The following DNAAF9 variants were observed in gnomAD, a reference collection of about 807,000 sequenced individuals.
The protein encoded by DNAAF9 is dynein axonemal assembly factor 9.
A neutral mutation model predicts 167.0 loss-of-function variants in DNAAF9; 90 were observed. The ratio of observed to expected loss-of-function variants is 0.54; its 90% CI spans 0.45 to 0.64. The LOEUF (loss-of-function observed/expected upper bound fraction) is 0.64, where lower values mean the gene tolerates loss of function less well. DNAAF9 is among the 30% of genes least tolerant of loss of function. DNAAF9 has a pLI of 0.00. For synonymous variants in DNAAF9, 491 were observed against 508.8 expected (o/e 0.96, Z 0.47); for missense variants, 1,315 against 1,442.2 (o/e 0.91, Z 1.43).
intron 7 of DNAAF9, among the ~76,000 whole-genome samples, chr20:3,352,358 C>T (rs1386418577): frequency 6.6e-6 from 1 of 152,120 alleles, no homozygotes; most frequent in East Asian, 1.9e-4. Context: ...GTATCCTGGG[C>T]CCAGGGCAAT....
intron 8 of DNAAF9, 109 bp from the exon 9 acceptor site, chr20:3,343,840 C>CGT (rs10582105): frequency 0.058 from 37,439 of 648,368 alleles, 516 homozygotes; most frequent in Non-Finnish European, 0.067. Context: ...GAGTGCACAG[C>CGT]GTGTGTGTGT....
At chr20:3,266,463 T>C (rs1028389386) in intron 30 of DNAAF9, among the ~76,000 whole-genome samples, 1 of 152,186 alleles carries the variant, frequency 6.6e-6, no homozygotes, top group African/African-American at 2.4e-5. Flanking sequence ...GATTATTTTC[T>C]AGTTCTTTTG....
intron 36 of DNAAF9, among the ~76,000 whole-genome samples, chr20:3,253,088 C>A (rs769293793): frequency 6.6e-6 from 1 of 152,166 alleles, no homozygotes; most frequent in African/African-American, 2.4e-5. Context: ...ATTTGGGAGG[C>A]TGAGGTAGAT....
In DNAAF9 at chr20:3,318,298, T is replaced by C. The variant is rs2069546737; in HGVS notation, c.1459A>G (p.Lys487Glu). 1 of 1,497,238 alleles carries C rather than the reference T, an allele frequency of 6.7e-7. No homozygotes were observed. Among genetic ancestry groups the C allele is most frequent in the Non-Finnish European group, 9.3e-7 (1 of 1,076,438 alleles). 92.7% of individuals were successfully genotyped at this position (1,497,238 alleles called of 1,614,324 possible). A position where few individuals can be genotyped will look rare whatever the true frequency, so the allele number is the denominator to read the frequency against. Reference sequence around the variant, plus strand: ...GATCACATATACTTACCCTTTTCTTTAACTAAGATCTGAGAAGTCAAAAAT... The same window carrying C: ...GATCACATATACTTACCCTTTTCTTCAACTAAGATCTGAGAAGTCAAAAAT... ...ESFLTSQILVKEKDGTVTTET... is the reference protein window; with the variant it reads ...ESFLTSQILVEEKDGTVTTET... Residue 487 changes from lysine (K) to glutamate (E), a missense_variant, in exon 17 of 37, where the codon AAA becomes GAA. Lys to Glu is a moderately conservative substitution (Grantham distance 56). Around this residue, in one of 2 missense-constraint regions of DNAAF9, gnomAD observed 981 missense variants for 1,012.5 expected, o/e 0.97. Coordinates refer to ENST00000252032, the MANE Select transcript of DNAAF9 (RefSeq NM_001009984.3).
intron 16 of DNAAF9, among the ~76,000 whole-genome samples, chr20:3,318,798 G>T (rs929134425): frequency 1.3e-5 from 2 of 152,024 alleles, no homozygotes; most frequent in African/African-American, 4.8e-5. Flanking sequence ...AAAAAATTAG[G>T]CTAGGCATAA....
At chr20:3,302,942 A>T (rs992882392) in intron 21 of DNAAF9, among the ~76,000 whole-genome samples, 1 of 152,202 alleles carries the variant, frequency 6.6e-6, no homozygotes, top group Non-Finnish European at 1.5e-5. Context: ...AATTTTTAAA[A>T]ATCAGTAACT....
intron 6 of DNAAF9, among the ~76,000 whole-genome samples, chr20:3,366,255 G>T (rs1269678870): frequency 6.6e-6 from 1 of 152,182 alleles, no homozygotes; most frequent in African/African-American, 2.4e-5. Context: ...TCCATGGGCT[G>T]CAGAATGGAT....
chr20:3,322,765 C>T (rs2069639675), intron 14 of DNAAF9, 69 bp from the exon 15 acceptor site: 2 of 1,131,208 alleles, frequency 1.8e-6, no homozygotes. Flanking sequence ...GTGCAGGGTA[C>T]CTGCTTGGGA....
chr20:3,264,893 G>A (rs1026717700), intron 30 of DNAAF9, among the ~76,000 whole-genome samples: 28 of 152,128 alleles, frequency 1.8e-4, no homozygotes, highest in Non-Finnish European at 3.7e-4. Context: ...TGCACGTTTT[G>A]TTTATTCTTC....
rs117717743 is a variant in DNAAF9 at position 3,279,695 on chromosome 20, G to T, written c.2613-746C>A. Among the ~76,000 whole-genome samples, 132 of 152,320 alleles carry T rather than the reference G, an allele frequency of 8.7e-4. 2 individuals carry two copies. In the East Asian group the frequency reaches 0.024, roughly 27 times the overall value. On this transcript the variant is annotated intron_variant, in intron 28 of 36. Transcript: ENST00000252032. ...ATGATCTTGCTCTGTCGTCCTGTCTGCTCTGTGCCTCAGGTATCTAACAGA... is the reference window on the plus strand; with the variant it reads ...ATGATCTTGCTCTGTCGTCCTGTCTTCTCTGTGCCTCAGGTATCTAACAGA...
At chr20:3,388,727 A>T (rs148067705) in intron 1 of DNAAF9, among the ~76,000 whole-genome samples, 337 of 152,302 alleles carry the variant, frequency 2.2e-3, no homozygotes, top group African/African-American at 7.9e-3. Context: ...TTTATGAGGT[A>T]CCCAGAATAG....
chr20:3,383,050 TATTC>T (rs2083682853), intron 1 of DNAAF9, among the ~76,000 whole-genome samples: 1 of 152,048 alleles, frequency 6.6e-6, no homozygotes, highest in Admixed American at 6.6e-5. Flanking sequence ...GTAGACCTAT[TATTC>T]CTTCAGCCCT....
intron 7 of DNAAF9, among the ~76,000 whole-genome samples, chr20:3,352,141 T>C (rs749710826): frequency 2.0e-5 from 3 of 152,230 alleles, no homozygotes; most frequent in Non-Finnish European, 4.4e-5. Context: ...AGAATAAGAA[T>C]CACTGTAAAC....
At chr20:3,384,454 T>C (rs1297410962) in intron 1 of DNAAF9, 2 of 151,450 alleles carry the variant, frequency 1.3e-5, no homozygotes, top group African/African-American at 2.4e-5. Flanking sequence ...TCTTTAATCA[T>C]CAGTCAAAAA....
intron 12 of DNAAF9, among the ~76,000 whole-genome samples, chr20:3,328,337 G>A (rs557744162): frequency 6.6e-6 from 1 of 152,022 alleles, no homozygotes; most frequent in East Asian, 1.9e-4. Flanking sequence ...GCCTGCCACC[G>A]TGCCTGGCTA....
At chr20:3,346,162 A>C (rs2070189175) in intron 8 of DNAAF9, among the ~76,000 whole-genome samples, 1 of 152,224 alleles carries the variant, frequency 6.6e-6, no homozygotes, top group East Asian at 1.9e-4. Context: ...ATGACAATAC[A>C]TTCTATTGGT....
chr20:3,369,535 C>G (rs2123207565), intron 6 of DNAAF9, among the ~76,000 whole-genome samples: 1 of 152,226 alleles, frequency 6.6e-6, no homozygotes, highest in South Asian at 2.1e-4. Context: ...TGCCACCACA[C>G]CCGGCTACTT....
At chr20:3,326,643 C>T (rs6051746) in intron 12 of DNAAF9, among the ~76,000 whole-genome samples, 531 of 151,574 alleles carry the variant, frequency 3.5e-3, no homozygotes, top group Non-Finnish European at 5.2e-3. Flanking sequence ...TATTTAGGAG[C>T]CTGAGGCTGG....
intron 6 of DNAAF9, among the ~76,000 whole-genome samples, chr20:3,370,650 C>T (rs2083494821): frequency 6.6e-6 from 1 of 152,148 alleles, no homozygotes; most frequent in Non-Finnish European, 1.5e-5. Context: ...CCTCATGATC[C>T]ACCCGCCTCA....
Sources: allele counts gnomAD v4.1 joint callset (sites outside exome capture counted in the v4.1 genomes callset), GRCh38; gene constraint gnomAD v4.1.1; regional missense constraint gnomAD v4.1.1; transcripts MANE v1.5; gene names NCBI Gene and HGNC (gene_info 2026-07-23, HGNC 2026-07-21).